CAB39: variants seen among roughly 807,000 people sequenced by gnomAD.
The protein encoded by CAB39 is calcium-binding protein 39.
A neutral mutation model predicts 40.0 loss-of-function variants in CAB39; 8 were observed. That is an observed-to-expected ratio of 0.20 (90% CI 0.12 to 0.36). The LOEUF (loss-of-function observed/expected upper bound fraction) is 0.36, where lower values mean the gene tolerates loss of function less well. Ranked by LOEUF, CAB39 falls within the 10% of genes least tolerant of loss-of-function variation. CAB39 has a pLI of 1.00. For synonymous variants in CAB39, 156 were observed against 141.6 expected (o/e 1.10, Z -0.72); for missense variants, 270 against 401.1 (o/e 0.67, Z 2.79).
At chr2:230,714,749 G>A (rs1361819626) in intron 1 of CAB39, among the ~76,000 whole-genome samples, 1 of 152,172 alleles carries the variant, frequency 6.6e-6, no homozygotes, top group African/African-American at 2.4e-5. Context: ...AATCTTTATA[G>A]TAGAGCCAGA....
chr2:230,811,319 CT>C (rs1446740244), intron 6 of CAB39, among the ~76,000 whole-genome samples: 2 of 152,004 alleles, frequency 1.3e-5, no homozygotes, highest in Non-Finnish European at 2.9e-5. Context: ...TTTTCCCTGT[CT>C]TTTCCCCCTG....
intron 1 of CAB39, among the ~76,000 whole-genome samples, chr2:230,751,313 T>C (rs1053257632): frequency 6.6e-6 from 1 of 152,264 alleles, no homozygotes; most frequent in African/African-American, 2.4e-5. Context: ...TTTTCATTAT[T>C]GTCTCTAAAC....
intron 2 of CAB39, among the ~76,000 whole-genome samples, chr2:230,770,845 A>T (rs762093663): frequency 6.6e-6 from 1 of 151,886 alleles, no homozygotes; most frequent in African/African-American, 2.4e-5. Flanking sequence ...TATTCCTGAT[A>T]AAAAAAATAA....
At chr2:230,813,075 G>A (rs762121553) in intron 6 of CAB39, among the ~76,000 whole-genome samples, 3 of 152,162 alleles carry the variant, frequency 2.0e-5, no homozygotes, top group African/African-American at 4.8e-5. Context: ...GATGACCAAA[G>A]GAAAGTCTCA....
chr2:230,761,941 T>C (rs1204468038), intron 2 of CAB39, among the ~76,000 whole-genome samples: 1 of 151,824 alleles, frequency 6.6e-6, no homozygotes, highest in African/African-American at 2.4e-5. Context: ...GGAGTCTCGC[T>C]CGGTTAGCCA....
chr2:230,816,809 G>C lies in CAB39; in HGVS notation c.694-945G>C, dbSNP rs116690011. Among the ~76,000 whole-genome samples, 5 of 152,298 alleles carry C rather than the reference G, an allele frequency of 3.3e-5. No homozygotes were observed. The East Asian group carries it at 7.7e-4, about 23-fold the overall frequency. On this transcript the variant is annotated intron_variant, in intron 7 of 8. Transcript: ENST00000258418. ...ATACAGATGATGGAACCGAGACACA[G>C]AGGAGTTCAGTAACGTGCTCAAGAT...
chr2:230,792,468 C>T (rs778747173), intron 3 of CAB39, among the ~76,000 whole-genome samples: 5 of 152,202 alleles, frequency 3.3e-5, no homozygotes, highest in Non-Finnish European at 7.3e-5. Flanking sequence ...TTCACTCCCT[C>T]TCCTATGGGC....
intron 4 of CAB39, among the ~76,000 whole-genome samples, chr2:230,797,294 G>A (rs1696002828): frequency 6.6e-6 from 1 of 152,158 alleles, no homozygotes. Context: ...GAACTGGGCT[G>A]TCCAATATAG....
chr2:230,810,242 A>C (rs1248314824), intron 5 of CAB39, 21 bp from the exon 6 acceptor site: 1 of 1,268,570 alleles, frequency 7.9e-7, no homozygotes, highest in East Asian at 2.4e-5. Context: ...AACTGTAAAC[A>C]ATTTTTTTTT....
intron 1 of CAB39, among the ~76,000 whole-genome samples, chr2:230,730,024 C>T (rs1159617743): frequency 6.6e-6 from 1 of 152,100 alleles, no homozygotes; most frequent in African/African-American, 2.4e-5. Flanking sequence ...AAAAAGTTGA[C>T]TTATGGAACA....
At chr2:230,723,211 C>T (rs1005740225) in intron 1 of CAB39, among the ~76,000 whole-genome samples, 1 of 152,212 alleles carries the variant, frequency 6.6e-6, no homozygotes, top group African/African-American at 2.4e-5. Flanking sequence ...TTTGCCCATC[C>T]TCAATATTTT....
At chr2:230,770,610 A>G (rs976029559) in intron 2 of CAB39, among the ~76,000 whole-genome samples, 1 of 152,222 alleles carries the variant, frequency 6.6e-6, no homozygotes, top group African/African-American at 2.4e-5. Context: ...AATTATAATC[A>G]TCGCCAAATC....
At chr2:230,765,892 C>T (rs16827545) in intron 2 of CAB39, among the ~76,000 whole-genome samples, 2,754 of 152,114 alleles carry the variant, frequency 0.018, 74 homozygotes, top group African/African-American at 0.056. Flanking sequence ...ATAGACATTT[C>T]GCTATTAGGA....
At chr2:230,748,831 AATATATATATATATATATATAT>A (rs71052546) in intron 1 of CAB39, among the ~76,000 whole-genome samples, 312 of 28,528 alleles carry the variant, frequency 0.011, 22 homozygotes, top group African/African-American at 0.035. Flanking sequence ...AAAAAAAAAA[AATATATATATATATATATATAT>A]ATATATATAT....
chr2:230,785,596 C>T (rs909379074), intron 2 of CAB39, among the ~76,000 whole-genome samples: 2 of 151,856 alleles, frequency 1.3e-5, no homozygotes, highest in African/African-American at 2.4e-5. Context: ...ATGTAGGTGG[C>T]GGGTGCAGTA....
chr2:230,772,748 G>A lies in CAB39; in HGVS notation c.114+12633G>A, dbSNP rs557958891. 4.6e-5 allele frequency among the ~76,000 whole-genome samples: 7 copies of A among 152,154 alleles called. No individual in the cohort carries two copies. The South Asian group carries it at 1.2e-3, about 27-fold the overall frequency. ...GATCTGCCTGCTTCGGCCTCCCAAAGTGCTGGGATTACAGGCGTGAGACAC... is the reference window on the plus strand; with the variant it reads ...GATCTGCCTGCTTCGGCCTCCCAAAATGCTGGGATTACAGGCGTGAGACAC... On this transcript the variant is annotated intron_variant, in intron 2 of 8. Transcript: ENST00000258418.
intron 1 of CAB39, among the ~76,000 whole-genome samples, chr2:230,742,455 G>A (rs1355451550): frequency 2.6e-5 from 4 of 151,850 alleles, no homozygotes; most frequent in South Asian, 2.1e-4. Context: ...GATTACAGGC[G>A]TGAGCCCCCA....
intron 1 of CAB39, among the ~76,000 whole-genome samples, chr2:230,742,995 A>G (rs1418024427): frequency 2.0e-5 from 3 of 152,150 alleles, no homozygotes; most frequent in Non-Finnish European, 4.4e-5. Context: ...TTTTCCTCTC[A>G]TATGTGGTAT....
At chr2:230,786,500 A>G (rs1301005064) in intron 2 of CAB39, among the ~76,000 whole-genome samples, 1 of 152,262 alleles carries the variant, frequency 6.6e-6, no homozygotes, top group African/African-American at 2.4e-5. Flanking sequence ...ATTTTAGGAC[A>G]TTTTGTCACC....
Sources: gnomAD v4.1 joint callset for allele counts (sites outside exome capture counted in the v4.1 genomes callset) on GRCh38, gnomAD v4.1.1 for gene constraint, MANE v1.5 for transcripts, NCBI Gene and HGNC (gene_info 2026-07-23, HGNC 2026-07-21) for gene names.